The following GRIP1 variants were observed in gnomAD, a reference collection of about 807,000 sequenced individuals.
GRIP1 encodes the protein glutamate receptor-interacting protein 1.
In GRIP1, 45 loss-of-function variants were observed where a neutral mutation model predicts 129.9. The ratio of observed to expected loss-of-function variants is 0.35; its 90% CI spans 0.27 to 0.44. The LOEUF (loss-of-function observed/expected upper bound fraction) is 0.44, where lower values mean the gene tolerates loss of function less well. Ranked by LOEUF, GRIP1 falls within the 20% of genes least tolerant of loss-of-function variation. The probability of loss-of-function intolerance (pLI) is 1.00; values close to 1 mark genes in which losing one functional copy is unlikely to be tolerated. For synonymous variants in GRIP1, 530 were observed against 520.8 expected (o/e 1.02, Z -0.24); for missense variants, 1,196 against 1,396.8 (o/e 0.86, Z 2.29).
chr12:66,965,550 T>TGTGTGA (rs1491335427), intron 1 of GRIP1, among the ~76,000 whole-genome samples: 1 of 9,514 alleles, frequency 1.1e-4, no homozygotes, highest in Non-Finnish European at 2.3e-4. Flanking sequence ...AAAGAAACAT[T>TGTGTGA]GTGTGTGTGT....
chr12:66,924,760 G>T (rs1422799823), intron 1 of GRIP1, among the ~76,000 whole-genome samples: 1 of 152,154 alleles, frequency 6.6e-6, no homozygotes, highest in East Asian at 1.9e-4. Flanking sequence ...AAGGTCAGGA[G>T]ATCGAGACCA....
upstream of GRIP1, among the ~76,000 whole-genome samples, chr12:66,683,587 T>G (rs1457944602): frequency 6.6e-6 from 1 of 152,168 alleles, no homozygotes; most frequent in Non-Finnish European, 1.5e-5. Flanking sequence ...TCTGGGGTGA[T>G]TAAAAAGCAC....
rs112017659 is a variant in GRIP1 at position 66,839,851 on chromosome 12, C to G, written c.58+229199G>C. ...CTAAGCGCTTCAGATTAACAGAGAGCCAGATGGATTACCATTCATTGCCCC... is the reference window on the plus strand; with the variant it reads ...CTAAGCGCTTCAGATTAACAGAGAGGCAGATGGATTACCATTCATTGCCCC... On this transcript the variant is annotated intron_variant, in intron 1 of 1. Transcript: ENST00000643019. 1.8e-4 allele frequency among the ~76,000 whole-genome samples: 28 copies of G among 152,264 alleles called. 1 individual carries two copies. The highest frequency in any genetic ancestry group is 6.5e-4 in the African/African-American group (27 of 41,560).
chr12:66,442,272 AG>A lies in GRIP1; in HGVS notation c.1687+2311del, dbSNP rs555529332. Reference sequence around the variant, plus strand: ...AAACCCAACTCCCTTATATTGTTCCAGGAACAGCCCTTTTTGTTGTTTCTCC... The same window carrying A: ...AAACCCAACTCCCTTATATTGTTCCAGAACAGCCCTTTTTGTTGTTTCTCC... On this transcript the variant is annotated intron_variant, in intron 13 of 24. Transcript: ENST00000359742. Among the ~76,000 whole-genome samples, 358 of 152,282 alleles carry A rather than the reference AG, an allele frequency of 2.4e-3. 3 individuals carry two copies. The highest frequency in any genetic ancestry group is 8.3e-3 in the African/African-American group (345 of 41,550).
chr12:66,990,884 C>T (rs2042383404), intron 1 of GRIP1, among the ~76,000 whole-genome samples: 1 of 151,448 alleles, frequency 6.6e-6, no homozygotes, highest in Admixed American at 6.6e-5. Context: ...ATCCCAGCTA[C>T]TTGGGAGGCT....
At chr12:67,027,412 C>T (rs1244922409) in intron 1 of GRIP1, among the ~76,000 whole-genome samples, 1 of 152,216 alleles carries the variant, frequency 6.6e-6, no homozygotes, top group Non-Finnish European at 1.5e-5. Flanking sequence ...AGCCACCTAC[C>T]AGTCCGTCCA....
intron 23 of GRIP1, among the ~76,000 whole-genome samples, chr12:66,370,169 AG>A (rs1039290517): frequency 4.6e-5 from 7 of 152,086 alleles, no homozygotes; most frequent in African/African-American, 1.7e-4. Context: ...ATCTACTTCT[AG>A]GAAGTCTTTT....
Position 66,348,604 on chromosome 12 carries a change from A to G in GRIP1, c.*415T>C, listed in dbSNP as rs1426607560. On this transcript the variant is annotated 3_prime_UTR_variant, in exon 25 of 25. Transcript: ENST00000359742. ...ATGAGAAGAAAAGCTTTGTTGGCCAAGTTCTTACATTAATGACTTCATAGT... is the reference window on the plus strand; with the variant it reads ...ATGAGAAGAAAAGCTTTGTTGGCCAGGTTCTTACATTAATGACTTCATAGT... 9.9e-6 allele frequency: 2 copies of G among 201,956 alleles called. No homozygotes were observed. Among genetic ancestry groups the G allele is most frequent in the African/African-American group, 4.7e-5 (2 of 42,554 alleles). The allele number at this position is 201,956 out of a possible 1,614,324, so 12.5% of individuals were successfully genotyped here.
chr12:66,837,354 G>A (rs573728605), intron 1 of GRIP1, among the ~76,000 whole-genome samples: 3 of 152,292 alleles, frequency 2.0e-5, no homozygotes, highest in Admixed American at 2.0e-4. Flanking sequence ...GCAACTGATT[G>A]ACTCTATTTG....
intron 2 of GRIP1, among the ~76,000 whole-genome samples, chr12:66,561,339 T>G (rs1370075335): frequency 6.6e-6 from 1 of 152,170 alleles, no homozygotes; most frequent in African/African-American, 2.4e-5. Flanking sequence ...ATAATTGGAT[T>G]GTTTGTAGCA....
chr12:66,909,233 G>T (rs759387091), intron 1 of GRIP1, among the ~76,000 whole-genome samples: 1 of 152,074 alleles, frequency 6.6e-6, no homozygotes, highest in Non-Finnish European at 1.5e-5. Context: ...TGAGCTCCTA[G>T]TACTTTCCTC....
intron 1 of GRIP1, among the ~76,000 whole-genome samples, chr12:66,666,565 C>A (rs150114669): frequency 2.0e-5 from 3 of 152,008 alleles, no homozygotes; most frequent in Admixed American, 6.5e-5. Flanking sequence ...CTTCATCAGG[C>A]CTTCTGCCTT....
intron 1 of GRIP1, among the ~76,000 whole-genome samples, chr12:66,875,906 C>A (rs2040374569): frequency 6.6e-6 from 1 of 151,938 alleles, no homozygotes; most frequent in African/African-American, 2.4e-5. Context: ...GGAATACAGC[C>A]TCTGCAAAAG....
At chr12:66,474,520 T>A (rs1287010870) in intron 7 of GRIP1, among the ~76,000 whole-genome samples, 1 of 151,900 alleles carries the variant, frequency 6.6e-6, no homozygotes, top group African/African-American at 2.4e-5. Context: ...CCAAGACACA[T>A]AATTGTCAGA....
chr12:66,589,541 T>C lies in GRIP1; in HGVS notation c.136+7306A>G, dbSNP rs564522435. Among the ~76,000 whole-genome samples the C allele has an allele frequency of 3.9e-5, 6 of 152,182 alleles. 1 individual carries two copies. Among genetic ancestry groups the C allele is most frequent in the East Asian group, 1.9e-4 (1 of 5,186 alleles). On this transcript the variant is annotated intron_variant, in intron 2 of 24. Coordinates refer to ENST00000359742, the MANE Select transcript of GRIP1 (RefSeq NM_001366722.1). The stretch of plus-strand genomic sequence containing the variant: ...TTCCCAAAGTAGGTGTGTATAAATA[T>C]TGATGGATGCAAGATGATTTAAGGT...
chr12:66,621,684 CA>C, intron 1 of GRIP1, among the ~76,000 whole-genome samples: 1 of 152,240 alleles, frequency 6.6e-6, no homozygotes, highest in Non-Finnish European at 1.5e-5. Flanking sequence ...CTGTTTTCCA[CA>C]GCAGCTACAC....
At chr12:66,788,344 T>C (rs186951520) in intron 1 of GRIP1, among the ~76,000 whole-genome samples, 1 of 152,148 alleles carries the variant, frequency 6.6e-6, no homozygotes, top group Non-Finnish European at 1.5e-5. Context: ...TTTATTTCTT[T>C]GAGTTTACTA....
intron 2 of GRIP1, among the ~76,000 whole-genome samples, chr12:66,564,820 T>C (rs1276105746): frequency 2.6e-5 from 4 of 152,244 alleles, no homozygotes; most frequent in Non-Finnish European, 4.4e-5. Flanking sequence ...ATCGCCATTC[T>C]AACTGGTGTG....
chr12:66,670,354 T>A (rs1050956401), intron 1 of GRIP1, among the ~76,000 whole-genome samples: 4 of 152,212 alleles, frequency 2.6e-5, no homozygotes, highest in Non-Finnish European at 4.4e-5. Context: ...TTCATTTCCA[T>A]CCCCATGGAA....
Sources: gnomAD v4.1 joint callset for allele counts (sites outside exome capture counted in the v4.1 genomes callset) on GRCh38, gnomAD v4.1.1 for gene constraint, MANE v1.5 for transcripts, NCBI Gene and HGNC (gene_info 2026-07-23, HGNC 2026-07-21) for gene names.